The following TANGO6 variants were observed in gnomAD, a reference collection of about 807,000 sequenced individuals.
The protein encoded by TANGO6 is transport and Golgi organization protein 6 homolog.
TANGO6 carries 90 observed loss-of-function variants against 114.2 expected under a neutral mutation model. The ratio of observed to expected loss-of-function variants is 0.79; its 90% CI spans 0.66 to 0.94. The LOEUF is 0.94. Among genes scored for constraint, TANGO6 ranks in the 40% least tolerant of loss-of-function variants. The pLI is 0.00. For missense variants in TANGO6, 1,274 were observed against 1,315.3 expected (o/e 0.97, Z 0.49); for synonymous variants, 477 against 509.8 (o/e 0.94, Z 0.87).
intron 14 of TANGO6, chr16:68,937,458 G>A (rs1031185438): frequency 4.6e-5 from 7 of 152,138 alleles, no homozygotes; most frequent in Non-Finnish European, 1.0e-4. Context: ...GTGGTTTCTA[G>A]TGTCTTTAAA....
At position 68,843,632 on chromosome 16, in the gene TANGO6, G is replaced by C; in HGVS notation, c.15G>C (p.Gln5His). 1 of 1,613,562 alleles carries C rather than the reference G, an allele frequency of 6.2e-7. No individual in the cohort carries two copies. Among genetic ancestry groups the C allele is most frequent in the Non-Finnish European group, 8.5e-7 (1 of 1,179,678 alleles). The change falls in exon 1 of 18, where the codon CAG becomes CAC. Residue 5 changes from glutamine to histidine, a missense_variant. Transcript: ENST00000261778. The part of the protein sequence containing the change: MAAR[Q>H]AVGSGAQETC... ...ACACTCCAGTCATGGCGGCCCGACA[G>C]GCCGTGGGCAGCGGGGCTCAGGAGA...
intron 9 of TANGO6, among the ~76,000 whole-genome samples, chr16:68,906,663 A>C (rs1396980169): frequency 6.6e-6 from 1 of 151,964 alleles, no homozygotes; most frequent in African/African-American, 2.4e-5. Context: ...AATGTACTAC[A>C]ACCTCAAACT....
chr16:68,850,982 TTCC>T (rs1961893937), intron 1 of TANGO6, among the ~76,000 whole-genome samples: 1 of 152,230 alleles, frequency 6.6e-6, no homozygotes, highest in Non-Finnish European at 1.5e-5. Context: ...TTATCCATGT[TTCC>T]TCCTCTGCTC....
At chr16:69,060,167 G>A (rs904163860) in intron 17 of TANGO6, among the ~76,000 whole-genome samples, 2 of 152,046 alleles carry the variant, frequency 1.3e-5, no homozygotes, top group African/African-American at 4.8e-5. Flanking sequence ...TTATGAAAAG[G>A]CTTTTTTTTC....
rs145311562 is a variant in TANGO6, at chr16:68,952,444, T to A, written c.2702-21584T>A. 2.0e-5 allele frequency among the ~76,000 whole-genome samples: 3 copies of A among 152,302 alleles called. No individual in the cohort carries two copies. In the East Asian group the frequency reaches 5.8e-4, roughly 29 times the overall value. On this transcript the variant is annotated intron_variant, in intron 14 of 17. Coordinates refer to ENST00000261778, the MANE Select transcript of TANGO6 (RefSeq NM_024562.2). ...AGCCTATGTCACCCTTCATCTCAAA[T>A]ACAAATTAAAATTCCTAATCTCACC...
intron 12 of TANGO6, among the ~76,000 whole-genome samples, 189 bp downstream of exon 12, chr16:68,919,408 C>T (rs1295105619): frequency 1.3e-5 from 2 of 152,236 alleles, no homozygotes; most frequent in Non-Finnish European, 2.9e-5. Flanking sequence ...CATTTCTACT[C>T]TGTCACCTGC....
chr16:68,991,617 T>G (rs1449292553), intron 15 of TANGO6, among the ~76,000 whole-genome samples: 1 of 151,936 alleles, frequency 6.6e-6, no homozygotes, highest in Admixed American at 6.6e-5. Flanking sequence ...CTCTCCAGCC[T>G]AGGCGACAGA....
At chr16:68,926,001 T>C (rs1334215149) in intron 12 of TANGO6, among the ~76,000 whole-genome samples, 1 of 151,638 alleles carries the variant, frequency 6.6e-6, no homozygotes, top group Non-Finnish European at 1.5e-5. Flanking sequence ...ATTTCTGGCC[T>C]TTCTGTTCTG....
intron 14 of TANGO6, among the ~76,000 whole-genome samples, chr16:68,971,834 T>C (rs1963707942): frequency 6.6e-6 from 1 of 151,878 alleles, no homozygotes; most frequent in South Asian, 2.1e-4. Context: ...GGTTTCACCA[T>C]GTTGGCCAGA....
At chr16:68,947,128 C>T (rs1418216490) in intron 14 of TANGO6, among the ~76,000 whole-genome samples, 1 of 152,122 alleles carries the variant, frequency 6.6e-6, no homozygotes, top group African/African-American at 2.4e-5. Flanking sequence ...CTAGAGCTTT[C>T]AAATGATGAT....
At chr16:68,883,411 A>G (rs2152172508) in intron 7 of TANGO6, among the ~76,000 whole-genome samples, 1 of 152,262 alleles carries the variant, frequency 6.6e-6, no homozygotes, top group Middle Eastern at 3.4e-3. Context: ...ATTGTACAAT[A>G]TGTGTTTTTT....
At chr16:69,067,536 A>AAAAAAAAAAAAAAAAAG (rs1860912479) in intron 17 of TANGO6, among the ~76,000 whole-genome samples, 2 of 140,644 alleles carry the variant, frequency 1.4e-5, no homozygotes, top group African/African-American at 2.7e-5. Context: ...AAAAAAAAAA[A>AAAAAAAAAAAAAAAAAG]ACGCTGGGCG....
At chr16:68,864,071 G>A (rs866703775) in intron 3 of TANGO6, among the ~76,000 whole-genome samples, 95 of 152,050 alleles carry the variant, frequency 6.2e-4, no homozygotes, top group Non-Finnish European at 2.1e-4. Flanking sequence ...CTACTCGGGA[G>A]GCTGAGTCAG....
At chr16:69,079,025 G>A (rs1305842152) in intron 17 of TANGO6, among the ~76,000 whole-genome samples, 1 of 151,664 alleles carries the variant, frequency 6.6e-6, no homozygotes, top group Non-Finnish European at 1.5e-5. Flanking sequence ...GGGAGACTTG[G>A]TCTCAAAAAT....
intron 15 of TANGO6, among the ~76,000 whole-genome samples, chr16:68,996,094 A>G (rs1159443301): frequency 6.6e-6 from 1 of 152,206 alleles, no homozygotes; most frequent in Non-Finnish European, 1.5e-5. Flanking sequence ...TCTTCTGTTC[A>G]TAAAGGGCTA....
intron 7 of TANGO6, 82 bp from the exon 8 acceptor site, chr16:68,900,352 C>A: frequency 9.4e-7 from 1 of 1,067,262 alleles, no homozygotes. Flanking sequence ...GACGCTGAGC[C>A]CTGCTAGGTG....
chr16:68,963,707 C>T (rs770020691), intron 14 of TANGO6, among the ~76,000 whole-genome samples: 1 of 152,226 alleles, frequency 6.6e-6, no homozygotes, highest in Non-Finnish European at 1.5e-5. Flanking sequence ...CTGTTTACTG[C>T]TGACCATGTG....
intron 15 of TANGO6, among the ~76,000 whole-genome samples, chr16:69,020,942 G>GTGT (rs962235474): frequency 2.4e-5 from 3 of 126,650 alleles, no homozygotes; most frequent in African/African-American, 3.3e-5. Flanking sequence ...GTGTGTGTGT[G>GTGT]GTGTGTGTGT....
chr16:68,932,581 T>G (rs1267470677), intron 14 of TANGO6, among the ~76,000 whole-genome samples: 1 of 152,054 alleles, frequency 6.6e-6, no homozygotes, highest in East Asian at 1.9e-4. Flanking sequence ...GATCAGGAGT[T>G]TGTGACCAGC....
Sources: gnomAD v4.1 joint callset for allele counts (sites outside exome capture counted in the v4.1 genomes callset) on GRCh38, gnomAD v4.1.1 for gene constraint, MANE v1.5 for transcripts, NCBI Gene and HGNC (gene_info 2026-07-23, HGNC 2026-07-21) for gene names.